Variants in FAM53A observed in about 807,000 individuals in gnomAD.
FAM53A encodes family with sequence similarity 53 member A, also known as protein FAM53A.
In FAM53A, 28 loss-of-function variants were observed where a neutral mutation model predicts 26.6. The observed-to-expected ratio is 1.05, with a 90% CI of 0.78 to 1.45. FAM53A has a LOEUF of 1.45. Ranked by LOEUF, FAM53A falls within the 40% of genes most tolerant of loss-of-function variation. FAM53A has a pLI of 0.00. For missense variants in FAM53A, 650 were observed against 575.8 expected, an observed-to-expected ratio of 1.13 and a Z score of -1.32; for synonymous variants, 290 against 253.1, an observed-to-expected ratio of 1.15 and a Z score of -1.38.
chr4:1,597,260 A>C, the FAM53A span, among the ~76,000 whole-genome samples: 1 of 150,652 alleles, frequency 6.6e-6, no homozygotes, highest in Non-Finnish European at 1.5e-5. Context: ...GGGTCCCCTC[A>C]CTCCCCTGCC....
chr4:1,641,705 G>T, intron 4 of FAM53A, 98 bp from the exon 5 acceptor site: 1 of 1,253,120 alleles, frequency 8.0e-7, no homozygotes, highest in Non-Finnish European at 1.2e-6. Flanking sequence ...CTGGGGCTCT[G>T]GCCATCCCCA....
chr4:1,680,998 T>C (rs1715396157), intron 1 of FAM53A, among the ~76,000 whole-genome samples: 1 of 152,204 alleles, frequency 6.6e-6, no homozygotes, highest in Admixed American at 6.5e-5. Context: ...CATGTGTCCA[T>C]GTAGGTTCAT....
At chr4:1,603,616 G>A in the FAM53A span, among the ~76,000 whole-genome samples, 3 of 152,262 alleles carry the variant, frequency 2.0e-5, no homozygotes, top group Non-Finnish European at 4.4e-5. Flanking sequence ...GCTCTGGGTG[G>A]TGAAGGCAGC....
rs1214430750 is a variant in FAM53A at position 1,659,683 on chromosome 4, G to T, written c.76-2215C>A. ...TCCCACAGGCTCAGGCAGGGGGCTT[G>T]TCAAAAACACTTATTCCTCACAGTC... On this transcript the variant is annotated intron_variant, in intron 2 of 4. Coordinates refer to ENST00000308132, the MANE Select transcript of FAM53A (RefSeq NM_001174070.3). This position sits in a 1 kb window ranked among gnomAD's most constrained non-coding sequence, Gnocchi z 5.2. Among the ~76,000 whole-genome samples the T allele has an allele frequency of 2.0e-5, 3 of 152,212 alleles. No homozygotes were observed. The highest frequency in any genetic ancestry group is 4.4e-5 in the Non-Finnish European group (3 of 68,034).
intron 4 of FAM53A, among the ~76,000 whole-genome samples, chr4:1,647,708 G>GGTGCACATGAGTGGGAGT: frequency 6.6e-6 from 1 of 152,348 alleles, no homozygotes; most frequent in African/African-American, 2.4e-5. Flanking sequence ...AGCATGCAGC[G>GGTGCACATGAGTGGGAGT]GTGCACATGA....
chr4:1,679,544 G>A (rs1434302548), intron 1 of FAM53A, among the ~76,000 whole-genome samples: 1 of 151,112 alleles, frequency 6.6e-6, no homozygotes, highest in Non-Finnish European at 1.5e-5. Context: ...AAATTAGCCT[G>A]GCGTGGTGGC....
At chr4:1,590,955 C>CATATATACATAT in the FAM53A span, among the ~76,000 whole-genome samples, 330 of 46,284 alleles carry the variant, frequency 7.1e-3, 33 homozygotes, top group South Asian at 1.0e-2. Context: ...TTATTTAATG[C>CATATATACATAT]ATATATATAT....
chr4:1,618,438 G>T (rs73795181), intron 1 of FAM53A, among the ~76,000 whole-genome samples: 10,605 of 152,288 alleles, frequency 0.07, 1,129 homozygotes, highest in African/African-American at 0.23. Context: ...GAAGTGGGCT[G>T]GTACCACAGC....
At chr4:1,629,051 G>A (rs56210878) in intron 1 of FAM53A, among the ~76,000 whole-genome samples, 22,143 of 151,910 alleles carry the variant, frequency 0.15, 2,199 homozygotes, top group Non-Finnish European at 0.22. Context: ...TCTCACCCAC[G>A]TCCACCCCAG....
chr4:1,618,845 C>A (rs1249809800), intron 1 of FAM53A, among the ~76,000 whole-genome samples: 3 of 152,146 alleles, frequency 2.0e-5, no homozygotes, highest in Non-Finnish European at 4.4e-5. Context: ...GCCCCCGACC[C>A]CCAGCCCTCT....
intron 1 of FAM53A, among the ~76,000 whole-genome samples, chr4:1,624,077 G>A: frequency 6.6e-6 from 1 of 152,254 alleles, no homozygotes; most frequent in South Asian, 2.1e-4. Flanking sequence ...CTCCAGCTGT[G>A]TCGTCTGCAG....
At chr4:1,581,564 T>C in the FAM53A span, among the ~76,000 whole-genome samples, 1 of 152,236 alleles carries the variant, frequency 6.6e-6, no homozygotes, top group Non-Finnish European at 1.5e-5. Flanking sequence ...TTAAGACATG[T>C]ATGTGTTTCT....
chr4:1,645,474 A>T (rs1712157553), intron 4 of FAM53A, among the ~76,000 whole-genome samples: 1 of 152,242 alleles, frequency 6.6e-6, no homozygotes, highest in Non-Finnish European at 1.5e-5. Flanking sequence ...CTGCTCAGAC[A>T]ACCTGCTCGG....
chr4:1,655,342 G>A lies in FAM53A; in HGVS notation c.518C>T (p.Ala173Val). The change falls in exon 4 of 5, where the codon GCT (alanine) becomes GTT (valine). Residue 173 changes from alanine to valine, a missense_variant. Transcript: ENST00000308132. ...CGAGGTGGGACCGGTCGACCACACA[G>A]CACTCCTCGGCAGGACGGCGCCGGG... ...GSPGAVLPRS[A>V]VWSTGPTSPA... 1 of 1,433,438 alleles carries A rather than the reference G, an allele frequency of 7.0e-7. No homozygotes were observed. Among genetic ancestry groups the A allele is most frequent in the Non-Finnish European group, 9.1e-7 (1 of 1,097,112 alleles). 88.8% of individuals were successfully genotyped at this position (1,433,438 alleles called of 1,614,324 possible). A position where few individuals can be genotyped will look rare whatever the true frequency, so the allele number is the denominator to read the frequency against.
chr4:1,577,903 G>C, the FAM53A span, among the ~76,000 whole-genome samples: 25 of 152,036 alleles, frequency 1.6e-4, no homozygotes, highest in Non-Finnish European at 3.2e-4. Context: ...GCAGGGCTGC[G>C]GGTCGGGGGC....
At chr4:1,679,953 G>A (rs1413248554) in intron 1 of FAM53A, among the ~76,000 whole-genome samples, 1 of 151,660 alleles carries the variant, frequency 6.6e-6, no homozygotes, top group African/African-American at 2.4e-5. Context: ...GGAGGATGAG[G>A]CGGCAGTTGC....
chr4:1,648,729 C>A (rs1443267552), intron 4 of FAM53A, among the ~76,000 whole-genome samples: 1 of 152,206 alleles, frequency 6.6e-6, no homozygotes, highest in Non-Finnish European at 1.5e-5. Flanking sequence ...AAACGAAAAG[C>A]TTTTATTTCA....
the FAM53A span, among the ~76,000 whole-genome samples, chr4:1,602,878 C>T: frequency 6.6e-6 from 1 of 152,104 alleles, no homozygotes; most frequent in Non-Finnish European, 1.5e-5. Flanking sequence ...GCCGGCCCAC[C>T]AGGGCCATGG....
rs2108772862 is a variant in FAM53A, at chr4:1,630,508, C to T, written c.432-12397G>A. On this transcript the variant is annotated intron_variant, in intron 1 of 1. Coordinates refer to the FAM53A transcript ENST00000489029. The surrounding 1 kb of genome is among the most constrained non-coding windows in gnomAD (Gnocchi z 4.3). ...ACGTGTCACGAATCGTGTATGGGGA[C>T]ACACAGGCAAGAGCAGGGTCTACAA... 6.6e-6 allele frequency among the ~76,000 whole-genome samples: 1 copy of T among 152,302 alleles called. No homozygotes were observed. The highest frequency in any genetic ancestry group is 1.9e-4 in the East Asian group (1 of 5,174).
Sources: gnomAD v4.1 joint callset for allele counts (sites outside exome capture counted in the v4.1 genomes callset) on GRCh38, gnomAD v4.1.1 for gene constraint, Gnocchi (gnomAD v3.1) non-coding constraint, MANE v1.5 for transcripts, NCBI Gene and HGNC (gene_info 2026-07-23, HGNC 2026-07-21) for gene names.